TUSC3: variants seen among roughly 807,000 people sequenced by gnomAD.
The protein encoded by TUSC3 is tumor suppressor candidate 3, also known as dolichyl-diphosphooligosaccharide--protein glycosyltransferase subunit TUSC3.
Under a neutral mutation model 44.8 loss-of-function variants are expected in TUSC3, and 45 were observed. That is an observed-to-expected ratio of 1.00 (90% CI 0.79 to 1.29). TUSC3 has a LOEUF of 1.29. Among genes scored for constraint, TUSC3 ranks in the 50% most tolerant of loss-of-function variants. The pLI is 0.00. For missense variants in TUSC3, 519 were observed against 437.9 expected (o/e 1.19, Z -1.65); for synonymous variants, 212 against 152.9 (o/e 1.39, Z -2.85).
At chr8:15,828,096 G>C in the TUSC3 span, among the ~76,000 whole-genome samples, 1 of 150,474 alleles carries the variant, frequency 6.6e-6, no homozygotes, top group Admixed American at 6.7e-5. Context: ...CCGGGTTCAA[G>C]CAACTCTCCT....
chr8:15,609,185 G>C (rs1263936259), intron 1 of TUSC3, among the ~76,000 whole-genome samples: 1 of 152,068 alleles, frequency 6.6e-6, no homozygotes, highest in East Asian at 1.9e-4. Flanking sequence ...GTATAGTTAC[G>C]GTTTTGTTTT....
the TUSC3 span, among the ~76,000 whole-genome samples, chr8:15,824,271 G>T: frequency 6.6e-6 from 1 of 152,214 alleles, no homozygotes; most frequent in East Asian, 1.9e-4. Context: ...TTCCCAGTAG[G>T]ATACTTTCAA....
intron 1 of TUSC3, among the ~76,000 whole-genome samples, chr8:15,603,012 A>C (rs1015897556): frequency 6.6e-6 from 1 of 151,584 alleles, no homozygotes; most frequent in Non-Finnish European, 1.5e-5. Flanking sequence ...TTATAAATAA[A>C]TGGATTCAAT....
chr8:15,688,966 A>G, intron 6 of TUSC3: 1 of 228,574 alleles, frequency 4.4e-6, no homozygotes, highest in Non-Finnish European at 9.1e-6. Flanking sequence ...CATACAGGAG[A>G]CCTCTTTGCC....
At chr8:15,717,477 C>A (rs1178607695) in intron 6 of TUSC3, among the ~76,000 whole-genome samples, 1 of 152,062 alleles carries the variant, frequency 6.6e-6, no homozygotes, top group Admixed American at 6.6e-5. Flanking sequence ...ATATCTATCT[C>A]CAGACTCCTT....
At chr8:15,468,952 G>C (rs2060672331) in intron 1 of TUSC3, among the ~76,000 whole-genome samples, 1 of 150,812 alleles carries the variant, frequency 6.6e-6, no homozygotes, top group Admixed American at 6.6e-5. Context: ...TAAAAATAAT[G>C]AGGGAGGCAG....
the TUSC3 span, among the ~76,000 whole-genome samples, chr8:15,812,103 A>G: frequency 2.0e-5 from 3 of 152,192 alleles, no homozygotes; most frequent in African/African-American, 7.2e-5. Flanking sequence ...GGGACATCCA[A>G]CTTAGATGAG....
intron 6 of TUSC3, among the ~76,000 whole-genome samples, chr8:15,674,348 A>T (rs574091683): frequency 4.6e-5 from 7 of 152,206 alleles, no homozygotes; most frequent in Admixed American, 3.3e-4. Context: ...CACCGAATTC[A>T]CATAACTGAG....
intron 9 of TUSC3, among the ~76,000 whole-genome samples, chr8:15,755,494 C>T (rs1368695786): frequency 6.6e-6 from 1 of 151,978 alleles, no homozygotes; most frequent in Non-Finnish European, 1.5e-5. Flanking sequence ...AAAAGATTTT[C>T]CCTGAACCTT....
At chr8:15,820,419 A>G in the TUSC3 span, among the ~76,000 whole-genome samples, 65 of 151,588 alleles carry the variant, frequency 4.3e-4, no homozygotes, top group African/African-American at 1.5e-3. Flanking sequence ...TCAAGCGATC[A>G]AGCGATTCTC....
At chr8:15,830,471 G>C in the TUSC3 span, among the ~76,000 whole-genome samples, 1 of 152,030 alleles carries the variant, frequency 6.6e-6, no homozygotes, top group Non-Finnish European at 1.5e-5. Flanking sequence ...TATATTTATT[G>C]CAGCACTATT....
intron 2 of TUSC3, among the ~76,000 whole-genome samples, chr8:15,626,617 GC>G (rs971658289): frequency 2.6e-5 from 4 of 152,156 alleles, no homozygotes; most frequent in African/African-American, 7.2e-5. Context: ...GCCCAGGAAG[GC>G]CCCCCTTACC....
At chr8:15,638,036 G>A (rs1806171037) in intron 2 of TUSC3, among the ~76,000 whole-genome samples, 1 of 152,058 alleles carries the variant, frequency 6.6e-6, no homozygotes, top group Admixed American at 6.6e-5. Flanking sequence ...GTTTGTTCCT[G>A]TGTACTTCCA....
At chr8:15,533,919 T>A (rs1164653588) in intron 2 of TUSC3, among the ~76,000 whole-genome samples, 1 of 152,070 alleles carries the variant, frequency 6.6e-6, no homozygotes, top group African/African-American at 2.4e-5. Context: ...GTTGGAAAGT[T>A]TCTGGTTGGA....
chr8:15,720,444 T>C (rs1810260190), intron 6 of TUSC3, among the ~76,000 whole-genome samples: 1 of 152,124 alleles, frequency 6.6e-6, no homozygotes, highest in Non-Finnish European at 1.5e-5. Flanking sequence ...GCCATGGTAC[T>C]GTCAACCATG....
downstream of TUSC3, among the ~76,000 whole-genome samples, chr8:15,771,565 T>C (rs1812439076): frequency 6.6e-6 from 1 of 152,178 alleles, no homozygotes; most frequent in African/African-American, 2.4e-5. Context: ...AACTAAATCT[T>C]GTGAACCTCT....
At chr8:15,661,387 A>G (rs1337271659) in intron 4 of TUSC3, among the ~76,000 whole-genome samples, 1 of 152,018 alleles carries the variant, frequency 6.6e-6, no homozygotes, top group Admixed American at 6.6e-5. Flanking sequence ...CTTTAAAAAC[A>G]TTGACACTTT....
chr8:15,632,080 T>A (rs996920588), intron 2 of TUSC3, among the ~76,000 whole-genome samples: 16 of 152,296 alleles, frequency 1.1e-4, no homozygotes, highest in African/African-American at 3.9e-4. Flanking sequence ...GATATAATCT[T>A]ACTATATAAT....
intron 1 of TUSC3, among the ~76,000 whole-genome samples, chr8:15,605,700 C>G (rs1293880239): frequency 6.6e-6 from 1 of 151,884 alleles, no homozygotes; most frequent in Non-Finnish European, 1.5e-5. Context: ...AAGATATACA[C>G]AAATCTATTA....
Sources: allele counts gnomAD v4.1 joint callset (sites outside exome capture counted in the v4.1 genomes callset), GRCh38; gene constraint gnomAD v4.1.1; transcripts MANE v1.5; gene names NCBI Gene and HGNC (gene_info 2026-07-23, HGNC 2026-07-21).